Variants in MUSK observed in about 807,000 individuals in gnomAD.
The protein encoded by MUSK is muscle associated receptor tyrosine kinase, also known as muscle, skeletal receptor tyrosine-protein kinase.
In MUSK, 55 loss-of-function variants were observed where a neutral mutation model predicts 88.7. That is an observed-to-expected ratio of 0.62 (90% CI 0.50 to 0.78). MUSK has a LOEUF of 0.78. Ranked by LOEUF, MUSK falls within the 30% of genes least tolerant of loss-of-function variation. The pLI, the probability that MUSK is intolerant of heterozygous loss-of-function variation, is 0.00. For missense variants in MUSK, 1,015 were observed against 1,074.3 expected, an observed-to-expected ratio of 0.94 and a Z score of 0.77; for synonymous variants, 387 against 391.9, an observed-to-expected ratio of 0.99 and a Z score of 0.15.
At chr9:110,756,851 GTGTGTC>G (rs918053956) in intron 7 of MUSK, among the ~76,000 whole-genome samples, 15 of 150,198 alleles carry the variant, frequency 1.0e-4, no homozygotes, top group African/African-American at 3.4e-4. Flanking sequence ...GTATGTGTGT[GTGTGTC>G]TGTGTATGTT....
intron 7 of MUSK, among the ~76,000 whole-genome samples, chr9:110,750,257 C>T (rs1329423469): frequency 6.6e-6 from 1 of 152,116 alleles, no homozygotes; most frequent in Non-Finnish European, 1.5e-5. Flanking sequence ...CGTGCCAGAG[C>T]TCTTTCTCCC....
intron 9 of MUSK, among the ~76,000 whole-genome samples, chr9:110,769,146 T>C (rs2077529288): frequency 6.6e-6 from 1 of 152,148 alleles, no homozygotes. Context: ...ACATTGTTAT[T>C]CCTAAATTTT....
chr9:110,728,613 T>G (rs944674146), intron 5 of MUSK: 1 of 944,280 alleles, frequency 1.1e-6, no homozygotes, highest in Admixed American at 2.0e-5. Flanking sequence ...TGGTCAAAGA[T>G]TTCCCTTTTC....
rs1042976371 is a variant in MUSK at position 110,734,444 on chromosome 9, A to G, written c.753+69A>G. The G allele has an allele frequency of 4.4e-6, 7 of 1,595,942 alleles. No homozygotes were observed. In the South Asian group the frequency reaches 6.7e-5, roughly 15 times the overall value. On this transcript the variant is annotated intron_variant, in intron 6 of 14. Transcript: ENST00000374448. ...GGTGGTGAACTTCAGGATAGACCAT[A>G]TAGTTGTAGTTACCCAGATCTCTGT...
chr9:110,785,681 A>G lies in MUSK; in HGVS notation c.1741A>G (p.Ile581Val). The change falls in exon 13 of 15, where the codon ATC becomes GTC. Residue 581 changes from isoleucine to valine, a missense_variant. By Grantham distance (29) the Ile-to-Val change is conservative. Transcript: ENST00000374448. ...PRNNIEYVRD[I>V]GEGAFGRVFQ... ...GAATAACATTGAATATGTGAGAGACATCGGAGAGGGAGCGTTTGGAAGGGT... is the reference window on the plus strand; with the variant it reads ...GAATAACATTGAATATGTGAGAGACGTCGGAGAGGGAGCGTTTGGAAGGGT... The G allele has an allele frequency of 1.9e-6, 3 of 1,610,050 alleles. No homozygotes were observed. Among genetic ancestry groups the G allele is most frequent in the Non-Finnish European group, 2.5e-6 (3 of 1,177,594 alleles).
intron 11 of MUSK, among the ~76,000 whole-genome samples, chr9:110,782,732 C>T (rs1404722538): frequency 6.6e-6 from 1 of 152,146 alleles, no homozygotes; most frequent in Admixed American, 6.5e-5. Flanking sequence ...CATCTTAGAT[C>T]GAGAAAACTT....
At chr9:110,704,904 G>A (rs1564233543) in intron 5 of MUSK, among the ~76,000 whole-genome samples, 2 of 150,480 alleles carry the variant, frequency 1.3e-5, no homozygotes, top group Non-Finnish European at 2.9e-5. Flanking sequence ...AAAATCACTT[G>A]AACCCAGGAG....
rs992140841 is a variant in MUSK, at chr9:110,801,323, T to A, written c.*335T>A. On this transcript the variant is annotated 3_prime_UTR_variant, in exon 15 of 15. Coordinates refer to ENST00000374448, the MANE Select transcript of MUSK (RefSeq NM_005592.4). ...AGCTGGTCACAGAGTAAAGCTCTGCTGTATTAAATTTTAATATGAAATGGG... is the reference window on the plus strand; with the variant it reads ...AGCTGGTCACAGAGTAAAGCTCTGCAGTATTAAATTTTAATATGAAATGGG... 2.6e-5 allele frequency: 5 copies of A among 189,452 alleles called. No individual in the cohort carries two copies. Among genetic ancestry groups the A allele is most frequent in the Admixed American group, 1.8e-4 (3 of 16,942 alleles). The allele number at this position is 189,452 out of a possible 1,614,324, so 11.7% of individuals were successfully genotyped here.
chr9:110,689,802 A>AATATGTAAC (rs1241955609), intron 3 of MUSK, among the ~76,000 whole-genome samples: 5 of 94,770 alleles, frequency 5.3e-5, no homozygotes, highest in Non-Finnish European at 9.1e-5. Context: ...TTAATATATA[A>AATATGTAAC]TATATAACTA....
intron 2 of MUSK, among the ~76,000 whole-genome samples, chr9:110,685,301 G>C: frequency 6.6e-6 from 1 of 152,008 alleles, no homozygotes; most frequent in East Asian, 1.9e-4. Context: ...GTATCCCAGG[G>C]ATAAGTTTCA....
At chr9:110,714,587 C>T (rs1036365266) in intron 5 of MUSK, among the ~76,000 whole-genome samples, 26 of 152,132 alleles carry the variant, frequency 1.7e-4, no homozygotes. Context: ...ACACCAGGAT[C>T]GGGTTTCTTT....
chr9:110,771,947 A>AT (rs2077581825), intron 9 of MUSK, among the ~76,000 whole-genome samples: 1 of 152,030 alleles, frequency 6.6e-6, no homozygotes, highest in Admixed American at 6.5e-5. Context: ...ATTATTTTCC[A>AT]TTTTGTTAAC....
intron 1 of MUSK, among the ~76,000 whole-genome samples, chr9:110,674,076 T>C (rs899740018): frequency 6.6e-6 from 1 of 151,868 alleles, no homozygotes; most frequent in Non-Finnish European, 1.5e-5. Context: ...TTCACCTCAC[T>C]GAGAAAAAAA....
intron 4 of MUSK, among the ~76,000 whole-genome samples, chr9:110,696,488 A>G (rs2076432422): frequency 6.6e-6 from 1 of 152,302 alleles, no homozygotes; most frequent in East Asian, 1.9e-4. Context: ...TAACTGAACT[A>G]AGGTATAAAA....
chr9:110,717,594 A>G (rs2076760167), intron 5 of MUSK, among the ~76,000 whole-genome samples: 1 of 149,876 alleles, frequency 6.7e-6, no homozygotes, highest in Admixed American at 6.6e-5. Flanking sequence ...TCTGTTTCCA[A>G]TTTCTTATTT....
Position 110,682,743 on chromosome 9 carries a change from C to CTACTTTCTT in MUSK, c.149_150insTACTTTCTT (p.Ala50_Val51insThrPheLeu). 1 of 1,612,660 alleles carries CTACTTTCTT rather than the reference C, an allele frequency of 6.2e-7. No homozygotes were observed. Among genetic ancestry groups the CTACTTTCTT allele is most frequent in the Non-Finnish European group, 8.5e-7 (1 of 1,178,884 alleles). On this transcript the variant is annotated inframe_insertion, in exon 2 of 15. Coordinates refer to ENST00000374448, the MANE Select transcript of MUSK (RefSeq NM_005592.4). ...GAAGAAGTGGCTACTTTCATGTGTG[C>CTACTTTCTT]AGTGGAATCCTACCCCCAGCCTGAG...
intron 5 of MUSK, among the ~76,000 whole-genome samples, chr9:110,729,713 A>G (rs1487779759): frequency 2.0e-5 from 3 of 152,072 alleles, no homozygotes; most frequent in Non-Finnish European, 4.4e-5. Context: ...ATAACAAAAG[A>G]GGAAGGGAAA....
At chr9:110,707,817 A>G (rs2076618125) in intron 5 of MUSK, among the ~76,000 whole-genome samples, 1 of 152,184 alleles carries the variant, frequency 6.6e-6, no homozygotes, top group African/African-American at 2.4e-5. Context: ...GGGCTTTGAA[A>G]AGCAGCCTCT....
intron 7 of MUSK, among the ~76,000 whole-genome samples, chr9:110,755,967 T>TAC (rs1564268892): frequency 9.5e-4 from 56 of 58,784 alleles, no homozygotes; most frequent in East Asian, 1.6e-3. Context: ...TATATATACA[T>TAC]ATATATATAT....
Sources: gnomAD v4.1 joint callset for allele counts (sites outside exome capture counted in the v4.1 genomes callset) on GRCh38, gnomAD v4.1.1 for gene constraint, MANE v1.5 for transcripts, NCBI Gene and HGNC (gene_info 2026-07-23, HGNC 2026-07-21) for gene names.